ARFIP1: variants seen among roughly 807,000 people sequenced by gnomAD.
ARFIP1 encodes the protein ARF interacting protein 1, also known as arfaptin-1.
A neutral mutation model predicts 42.5 loss-of-function variants in ARFIP1; 24 were observed. The observed-to-expected ratio is 0.57, with a 90% CI of 0.41 to 0.80. The LOEUF (loss-of-function observed/expected upper bound fraction) is 0.80. ARFIP1 is among the 30% of genes least tolerant of loss of function. The probability of loss-of-function intolerance (pLI) is 0.00; values close to 1 mark genes in which losing one functional copy is unlikely to be tolerated. For synonymous variants in ARFIP1, 141 were observed against 153.7 expected (o/e 0.92, Z 0.61); for missense variants, 354 against 434.0 (o/e 0.82, Z 1.64).
At chr4:152,780,549 G>A (rs1392066127) in intron 1 of ARFIP1, among the ~76,000 whole-genome samples, 1 of 152,198 alleles carries the variant, frequency 6.6e-6, no homozygotes, top group Non-Finnish European at 1.5e-5. Context: ...TTGACAAAGT[G>A]TCGGAGTGGG....
rs774912995 is a variant in ARFIP1 at position 152,881,106 on chromosome 4, G to C, written c.555G>C (p.Gln185His). Reference protein sequence around the residue: ...ILKLAQTLSTQLFQMVHTQRQ... With the variant: ...ILKLAQTLSTHLFQMVHTQRQ... ...AACTGGCTCAAACATTGTCGACCCA[G>C]CTTTTCCAGATGGTACATACCCAAA... Residue 185 changes from glutamine (Q) to histidine (H), a missense_variant, in exon 6 of 9, where the codon CAG becomes CAC. By Grantham distance (24) the Gln-to-His change is conservative. Coordinates refer to ENST00000353617, the MANE Select transcript of ARFIP1 (RefSeq NM_001025595.3). 6.2e-7 allele frequency: 1 copy of C among 1,613,800 alleles called. No individual in the cohort carries two copies. The highest frequency in any genetic ancestry group is 8.5e-7 in the Non-Finnish European group (1 of 1,179,736).
At chr4:152,901,930 T>TAA (rs1194027328) in intron 8 of ARFIP1, among the ~76,000 whole-genome samples, 1 of 152,234 alleles carries the variant, frequency 6.6e-6, no homozygotes, top group Non-Finnish European at 1.5e-5. Flanking sequence ...GGAACAAGGT[T>TAA]AAAGTGCTGT....
intron 3 of ARFIP1, among the ~76,000 whole-genome samples, chr4:152,868,932 C>T (rs1021224097): frequency 3.9e-5 from 6 of 152,172 alleles, no homozygotes; most frequent in African/African-American, 2.4e-5. Flanking sequence ...ATTTTAACTT[C>T]TCTGGGCTTC....
Position 152,901,561 on chromosome 4 carries a change from A to G in ARFIP1, c.967-8503A>G, listed in dbSNP as rs542218207. On this transcript the variant is annotated intron_variant, in intron 8 of 8. Transcript: ENST00000353617. ...TTCATAAGTGAGTTTGTAATGATTT[A>G]GTATATTTCTAAATTGCTGTAATTG... 5.3e-5 allele frequency among the ~76,000 whole-genome samples: 8 copies of G among 152,332 alleles called. No homozygotes were observed. The East Asian group carries it at 7.7e-4, about 15-fold the overall frequency.
intron 7 of ARFIP1, 76 bp downstream of exon 7, chr4:152,882,956 A>G (rs1579002728): frequency 6.9e-7 from 1 of 1,451,906 alleles, no homozygotes; most frequent in African/African-American, 1.5e-5. Flanking sequence ...GTTACAAACA[A>G]CAGAAACCAA....
rs541200501 is a variant in ARFIP1 at position 152,816,929 on chromosome 4, C to A, written c.-9-12696C>A. On this transcript the variant is annotated intron_variant, in intron 1 of 8. Transcript: ENST00000353617. ...CGTACAAGATTTAGCTTAAATGTTACCTCTGTTAAGTTTTTCATCTTATTG... is the reference window on the plus strand; with the variant it reads ...CGTACAAGATTTAGCTTAAATGTTAACTCTGTTAAGTTTTTCATCTTATTG... Among the ~76,000 whole-genome samples, 7 of 152,298 alleles carry A rather than the reference C, an allele frequency of 4.6e-5. No individual in the cohort carries two copies. The East Asian group carries it at 1.3e-3, about 29-fold the overall frequency.
At chr4:152,796,751 G>T (rs55730452) in intron 1 of ARFIP1, 4 of 762,442 alleles carry the variant, frequency 5.2e-6, no homozygotes, top group South Asian at 2.8e-5. Flanking sequence ...TGAGCTTCTC[G>T]ACTTTCCTTC....
intron 1 of ARFIP1, among the ~76,000 whole-genome samples, chr4:152,789,339 C>T (rs1267099018): frequency 6.6e-6 from 1 of 152,022 alleles, no homozygotes; most frequent in South Asian, 2.1e-4. Context: ...ATCCACACAC[C>T]TCAGCCTCCC....
intron 2 of ARFIP1, among the ~76,000 whole-genome samples, chr4:152,857,715 A>G (rs1733554067): frequency 6.6e-6 from 1 of 152,148 alleles, no homozygotes; most frequent in African/African-American, 2.4e-5. Context: ...ACCTTCCCCA[A>G]ATACTGCATC....
At chr4:152,885,428 G>A (rs901446082) in intron 7 of ARFIP1, among the ~76,000 whole-genome samples, 1 of 152,004 alleles carries the variant, frequency 6.6e-6, no homozygotes. Flanking sequence ...AATTGTGGTC[G>A]AGACTTTTCA....
intron 8 of ARFIP1, among the ~76,000 whole-genome samples, chr4:152,889,746 TAC>T (rs1736616763): frequency 2.5e-5 from 1 of 40,592 alleles, no homozygotes; most frequent in Admixed American, 4.0e-4. Context: ...ATACTATATA[TAC>T]TATATATTAT....
At chr4:152,833,803 G>T (rs930671215) in intron 2 of ARFIP1, among the ~76,000 whole-genome samples, 1 of 152,210 alleles carries the variant, frequency 6.6e-6, no homozygotes, top group Non-Finnish European at 1.5e-5. Context: ...GCATGATTCT[G>T]TACTTACATG....
chr4:152,786,268 A>G (rs568575046), intron 1 of ARFIP1, among the ~76,000 whole-genome samples: 1 of 152,312 alleles, frequency 6.6e-6, no homozygotes, highest in Admixed American at 6.5e-5. Context: ...TCTTGTTGAC[A>G]TCCTTTCTTG....
intron 1 of ARFIP1, among the ~76,000 whole-genome samples, chr4:152,792,059 TA>T (rs1244336220): frequency 3.3e-5 from 5 of 152,122 alleles, no homozygotes; most frequent in Non-Finnish European, 7.4e-5. Flanking sequence ...TAGAGCCACT[TA>T]AAAAAATCTT....
At position 152,842,408 on chromosome 4, in the gene ARFIP1, A is replaced by G. The variant is rs139731664; in HGVS notation, c.93+12682A>G. On this transcript the variant is annotated intron_variant, in intron 2 of 8. Coordinates refer to ENST00000353617, the MANE Select transcript of ARFIP1 (RefSeq NM_001025595.3). Reference sequence around the variant, plus strand: ...ACATTGTGCCTAGGATCTTTTTGCAATGAATTTTCCAGGTGTTGCTTGTGC... The same window carrying G: ...ACATTGTGCCTAGGATCTTTTTGCAGTGAATTTTCCAGGTGTTGCTTGTGC... Among the ~76,000 whole-genome samples, 414 of 151,838 alleles carry G rather than the reference A, an allele frequency of 2.7e-3. 2 individuals are homozygous for G. Among genetic ancestry groups the G allele is most frequent in the African/African-American group, 8.3e-3 (344 of 41,428 alleles).
chr4:152,784,630 T>C (rs62318851), intron 1 of ARFIP1, among the ~76,000 whole-genome samples: 3,313 of 152,390 alleles, frequency 0.022, 56 homozygotes, highest in Non-Finnish European at 0.036. Context: ...GATTGAGACA[T>C]ACAAAAATGA....
intron 2 of ARFIP1, among the ~76,000 whole-genome samples, chr4:152,840,196 C>T (rs576664507): frequency 1.1e-4 from 16 of 152,224 alleles, no homozygotes; most frequent in South Asian, 2.1e-4. Context: ...GAAATTTCCA[C>T]GCGCTGTTGA....
intron 1 of ARFIP1, among the ~76,000 whole-genome samples, chr4:152,791,475 G>A (rs1364616830): frequency 6.6e-6 from 1 of 152,030 alleles, no homozygotes. Flanking sequence ...ATTCAGTTAC[G>A]AAATCAAAAC....
intron 8 of ARFIP1, among the ~76,000 whole-genome samples, chr4:152,894,697 G>C (rs999211683): frequency 6.6e-6 from 1 of 152,202 alleles, no homozygotes; most frequent in East Asian, 1.9e-4. Flanking sequence ...GGACACAAAA[G>C]AACCTGCCTT....
Sources: allele counts gnomAD v4.1 joint callset (sites outside exome capture counted in the v4.1 genomes callset), GRCh38; gene constraint gnomAD v4.1.1; transcripts MANE v1.5; gene names NCBI Gene and HGNC (gene_info 2026-07-23, HGNC 2026-07-21).